The following REDIC1 variants were observed in gnomAD, a reference collection of about 807,000 sequenced individuals.
REDIC1 encodes the protein regulator of DNA class I crossover intermediates 1, also known as HEI10 Interacting Protein 1.
At chr12:39,719,157 G>A in the REDIC1 span, among the ~76,000 whole-genome samples, 1 of 152,116 alleles carries the variant, frequency 6.6e-6, no homozygotes, top group East Asian at 1.9e-4. Flanking sequence ...GAAAGGAAGA[G>A]ATGACTGTCC....
chr12:39,745,839 T>C, the REDIC1 span: 1 of 152,212 alleles, frequency 6.6e-6, no homozygotes, highest in African/African-American at 2.4e-5. Flanking sequence ...CATGTTGCTG[T>C]TTTAATCTTT....
At chr12:39,786,077 ATG>A in the REDIC1 span, among the ~76,000 whole-genome samples, 1 of 151,458 alleles carries the variant, frequency 6.6e-6, no homozygotes, top group African/African-American at 2.5e-5. Context: ...TTGGGAAGGC[ATG>A]ATTAGTTTTG....
chr12:39,715,584 T>C, the REDIC1 span, among the ~76,000 whole-genome samples: 1 of 151,820 alleles, frequency 6.6e-6, no homozygotes, highest in Non-Finnish European at 1.5e-5. Flanking sequence ...AATTCTAAAA[T>C]CTGTATGGAA....
chr12:39,639,963 ATATCT>A, the REDIC1 span, among the ~76,000 whole-genome samples: 25 of 151,980 alleles, frequency 1.6e-4, no homozygotes, highest in Admixed American at 4.6e-4. Flanking sequence ...AATAGAACAA[ATATCT>A]TATAACCATT....
the REDIC1 span, among the ~76,000 whole-genome samples, chr12:39,766,308 TC>T: frequency 6.6e-6 from 1 of 152,108 alleles, no homozygotes; most frequent in African/African-American, 2.4e-5. Flanking sequence ...TTTTTTGGTT[TC>T]CCACTACATA....
At chr12:39,848,081 G>A in the REDIC1 span, among the ~76,000 whole-genome samples, 135 of 152,160 alleles carry the variant, frequency 8.9e-4, no homozygotes, top group Non-Finnish European at 1.7e-3. Context: ...AACCCTGGAA[G>A]ACAACCTAGG....
the REDIC1 span, among the ~76,000 whole-genome samples, chr12:39,750,502 A>G: frequency 6.6e-6 from 1 of 152,230 alleles, no homozygotes; most frequent in Non-Finnish European, 1.5e-5. Flanking sequence ...TAATTTATAG[A>G]TTCAATGCCA....
the REDIC1 span, among the ~76,000 whole-genome samples, chr12:39,878,236 A>G: frequency 6.6e-6 from 1 of 152,228 alleles, no homozygotes; most frequent in African/African-American, 2.4e-5. Flanking sequence ...CCAGGGGTGA[A>G]GCATTGCTAT....
the REDIC1 span, among the ~76,000 whole-genome samples, chr12:39,711,552 TACACATGCATGTGTATATGTGC>T: frequency 1.9e-5 from 1 of 52,518 alleles, no homozygotes; most frequent in South Asian, 5.8e-4. Flanking sequence ...TGTATGTGCA[TACACATGCATGTGTATATGTGC>T]ATACACATGC....
the REDIC1 span, among the ~76,000 whole-genome samples, chr12:39,632,512 A>G: frequency 6.6e-6 from 1 of 152,160 alleles, no homozygotes; most frequent in African/African-American, 2.4e-5. Context: ...ATATATTTAT[A>G]TACACATATA....
the REDIC1 span, chr12:39,864,804 G>A: frequency 1.2e-6 from 2 of 1,613,964 alleles, no homozygotes; most frequent in Non-Finnish European, 8.5e-7. Flanking sequence ...CGGAGCTATT[G>A]GCTTAAAAGT....
the REDIC1 span, among the ~76,000 whole-genome samples, chr12:39,862,688 G>A: frequency 6.6e-6 from 1 of 152,100 alleles, no homozygotes; most frequent in South Asian, 2.1e-4. Flanking sequence ...AAGGAAAGGG[G>A]AAATGTATAT....
chr12:39,693,616 AG>A, the REDIC1 span, among the ~76,000 whole-genome samples: 1 of 152,118 alleles, frequency 6.6e-6, no homozygotes, highest in African/African-American at 2.4e-5. Flanking sequence ...CCTCTGTGTT[AG>A]TGCTAGGTAT....
chr12:39,871,011 T>G, the REDIC1 span, among the ~76,000 whole-genome samples: 1 of 152,124 alleles, frequency 6.6e-6, no homozygotes, highest in African/African-American at 2.4e-5. Flanking sequence ...GCATTCTCAC[T>G]CCAAATAAAC....
At chr12:39,882,421 C>T in the REDIC1 span, among the ~76,000 whole-genome samples, 1 of 152,198 alleles carries the variant, frequency 6.6e-6, no homozygotes, top group African/African-American at 2.4e-5. Context: ...CTTTGTTATA[C>T]TTATGTCATA....
At chr12:39,816,419 G>C in the REDIC1 span, among the ~76,000 whole-genome samples, 1 of 134,752 alleles carries the variant, frequency 7.4e-6, no homozygotes, top group Admixed American at 7.8e-5. Flanking sequence ...ATCACACCCC[G>C]GGGCCTGTTG....
At chr12:39,649,140 G>T in the REDIC1 span, among the ~76,000 whole-genome samples, 2 of 151,768 alleles carry the variant, frequency 1.3e-5, no homozygotes, top group Non-Finnish European at 1.5e-5. Context: ...ATAGACTGCA[G>T]GTTAATGATG....
At chr12:39,834,233 G>T in the REDIC1 span, among the ~76,000 whole-genome samples, 1 of 151,896 alleles carries the variant, frequency 6.6e-6, no homozygotes, top group East Asian at 1.9e-4. Flanking sequence ...CTTGAGATAG[G>T]TCAAAAAAAG....
chr12:39,816,853 G>A, the REDIC1 span, among the ~76,000 whole-genome samples: 1 of 152,230 alleles, frequency 6.6e-6, no homozygotes, highest in South Asian at 2.1e-4. Flanking sequence ...CTAAACATTT[G>A]AAAGATTTTA....
Sources: allele counts gnomAD v4.1 joint callset (sites outside exome capture counted in the v4.1 genomes callset), GRCh38; gene constraint gnomAD v4.1.1; transcripts MANE v1.5; gene names NCBI Gene and HGNC (gene_info 2026-07-23, HGNC 2026-07-21).